The following RAB38 variants were observed in gnomAD, a reference collection of about 807,000 sequenced individuals.
The protein encoded by RAB38 is ras-related protein Rab-38.
In RAB38, 15 loss-of-function variants were observed where a neutral mutation model predicts 18.4. That is an observed-to-expected ratio of 0.82 (90% confidence interval 0.55 to 1.26). The LOEUF (loss-of-function observed/expected upper bound fraction) is 1.26. Ranked by LOEUF, RAB38 falls within the 50% of genes most tolerant of loss-of-function variation. The probability of loss-of-function intolerance (pLI) is 0.00; values close to 1 mark genes in which losing one functional copy is unlikely to be tolerated. For synonymous variants in RAB38, 101 were observed against 104.4 expected (o/e 0.97, Z 0.20); for missense variants, 294 against 267.4 (o/e 1.10, Z -0.69).
the RAB38 span, among the ~76,000 whole-genome samples, chr11:88,027,257 T>C: frequency 3.3e-5 from 5 of 152,292 alleles, no homozygotes; most frequent in African/African-American, 4.8e-5. Flanking sequence ...AATGGCTGAA[T>C]AGGAACAGCT....
At chr11:87,885,710 C>A in the RAB38 span, among the ~76,000 whole-genome samples, 1 of 151,924 alleles carries the variant, frequency 6.6e-6, no homozygotes. Flanking sequence ...GGGTAATGAA[C>A]CTCATTTTTG....
chr11:88,144,913 G>T (rs1421873845), intron 2 of RAB38, among the ~76,000 whole-genome samples: 1 of 152,142 alleles, frequency 6.6e-6, no homozygotes, highest in Non-Finnish European at 1.5e-5. Context: ...GTATTTCTGA[G>T]CATAGCCACA....
the RAB38 span, among the ~76,000 whole-genome samples, chr11:87,948,208 G>C: frequency 6.6e-6 from 1 of 152,062 alleles, no homozygotes; most frequent in African/African-American, 2.4e-5. Context: ...TCTGTTATTG[G>C]TGTATAAGAA....
the RAB38 span, among the ~76,000 whole-genome samples, chr11:88,006,899 G>T: frequency 6.6e-6 from 1 of 151,160 alleles, no homozygotes; most frequent in East Asian, 1.9e-4. Context: ...TGGGTACAAA[G>T]CTACAATTAG....
chr11:88,145,316 T>A (rs1463775413), intron 2 of RAB38, among the ~76,000 whole-genome samples: 1 of 151,960 alleles, frequency 6.6e-6, no homozygotes, highest in African/African-American at 2.4e-5. Flanking sequence ...AGCCTGCTAA[T>A]GTTTGTATTT....
the RAB38 span, among the ~76,000 whole-genome samples, chr11:87,977,351 T>A: frequency 2.6e-5 from 3 of 116,522 alleles, no homozygotes; most frequent in Non-Finnish European, 4.9e-5. Context: ...AATTATATAT[T>A]ATATAAGTAT....
chr11:88,144,930 C>T (rs2134818926), intron 2 of RAB38, among the ~76,000 whole-genome samples: 1 of 152,250 alleles, frequency 6.6e-6, no homozygotes, highest in East Asian at 1.9e-4. Flanking sequence ...CACACCTGAT[C>T]CACTCCATTA....
At chr11:88,046,689 C>T in the RAB38 span, among the ~76,000 whole-genome samples, 7 of 152,176 alleles carry the variant, frequency 4.6e-5, no homozygotes, top group Non-Finnish European at 1.0e-4. Flanking sequence ...ACCCCAACAC[C>T]TTCTACAAAA....
At chr11:87,836,675 A>G in the RAB38 span, among the ~76,000 whole-genome samples, 1 of 152,112 alleles carries the variant, frequency 6.6e-6, no homozygotes, top group African/African-American at 2.4e-5. Flanking sequence ...CTGGTTTTCC[A>G]TGGCCTTCAG....
chr11:88,088,731 T>G, the RAB38 span, among the ~76,000 whole-genome samples: 1 of 151,816 alleles, frequency 6.6e-6, no homozygotes, highest in Admixed American at 6.6e-5. Context: ...CAGATGAGAA[T>G]GAAGGTGGGC....
chr11:87,844,680 G>A, the RAB38 span, among the ~76,000 whole-genome samples: 2 of 152,118 alleles, frequency 1.3e-5, no homozygotes, highest in Non-Finnish European at 2.9e-5. Flanking sequence ...CTACAACTCT[G>A]CATCTATAAT....
chr11:87,845,612 G>T, the RAB38 span, among the ~76,000 whole-genome samples: 1 of 152,044 alleles, frequency 6.6e-6, no homozygotes, highest in East Asian at 1.9e-4. Context: ...GGGAGAGATT[G>T]CTGTAGGAAA....
At chr11:88,129,089 T>A (rs1001685031) in intron 2 of RAB38, among the ~76,000 whole-genome samples, 1 of 152,206 alleles carries the variant, frequency 6.6e-6, no homozygotes, top group African/African-American at 2.4e-5. Flanking sequence ...TGCATAATTT[T>A]AAAAATAAAT....
chr11:88,156,602 T>C (rs1943128810), intron 1 of RAB38, among the ~76,000 whole-genome samples: 2 of 152,060 alleles, frequency 1.3e-5, no homozygotes, highest in Non-Finnish European at 2.9e-5. Context: ...CTTGGGAGGC[T>C]GAGGCAGGAG....
At chr11:87,955,179 T>G in the RAB38 span, among the ~76,000 whole-genome samples, 1 of 105,050 alleles carries the variant, frequency 9.5e-6, no homozygotes, top group Non-Finnish European at 2.1e-5. Context: ...TCTTCCACAT[T>G]GGTGCACTCT....
chr11:88,166,445 T>C (rs1178128940), intron 1 of RAB38: 4 of 152,116 alleles, frequency 2.6e-5, no homozygotes, highest in African/African-American at 7.2e-5. Context: ...AATCTTGTGT[T>C]CTGGTTCTAA....
At chr11:87,924,629 T>G in the RAB38 span, among the ~76,000 whole-genome samples, 2 of 152,024 alleles carry the variant, frequency 1.3e-5, no homozygotes, top group Non-Finnish European at 2.9e-5. Flanking sequence ...TTTCTCTACT[T>G]TGCAGGAAAG....
At chr11:88,093,106 A>G in the RAB38 span, among the ~76,000 whole-genome samples, 3 of 151,918 alleles carry the variant, frequency 2.0e-5, no homozygotes, top group East Asian at 5.8e-4. Flanking sequence ...AGATTATTAT[A>G]CTCCTTCAGA....
the RAB38 span, among the ~76,000 whole-genome samples, chr11:87,897,641 T>G: frequency 6.6e-6 from 1 of 151,564 alleles, no homozygotes; most frequent in Non-Finnish European, 1.5e-5. Context: ...TTGCTTGGAT[T>G]TAAAAAACAC....
Sources: allele counts gnomAD v4.1 joint callset (sites outside exome capture counted in the v4.1 genomes callset), GRCh38; gene constraint gnomAD v4.1.1; transcripts MANE v1.5; gene names NCBI Gene and HGNC (gene_info 2026-07-23, HGNC 2026-07-21).